KSR1: variants seen among roughly 807,000 people sequenced by gnomAD.
The protein encoded by KSR1 is kinase suppressor of ras 1, also known as kinase suppressor of ras.
A neutral mutation model predicts 92.9 loss-of-function variants in KSR1; 35 were observed. The observed-to-expected ratio is 0.38, with a 90% CI of 0.29 to 0.50. The LOEUF is 0.50. Among genes scored for constraint, KSR1 ranks in the 20% least tolerant of loss-of-function variants. The pLI, the probability that KSR1 is intolerant of heterozygous loss-of-function variation, is 0.94. For missense variants in KSR1, 972 were observed against 1,158.5 expected, an observed-to-expected ratio of 0.84 and a Z score of 2.34; for synonymous variants, 467 against 472.6, an observed-to-expected ratio of 0.99 and a Z score of 0.15.
intron 1 of KSR1, among the ~76,000 whole-genome samples, chr17:27,518,912 G>C (rs1365456040): frequency 3.3e-5 from 5 of 152,210 alleles, no homozygotes; most frequent in Non-Finnish European, 5.9e-5. Flanking sequence ...TCCTGGAGTA[G>C]GATGTGTGCA....
chr17:27,621,307 G>A (rs1414326609), intron 20 of KSR1, 34 bp downstream of exon 20: 3 of 398,550 alleles, frequency 7.5e-6, no homozygotes, highest in Non-Finnish European at 1.3e-5. Flanking sequence ...CTGGCTGCCT[G>A]TCTCTGGTTT....
At chr17:27,555,731 C>T (rs1445831429) in intron 2 of KSR1, among the ~76,000 whole-genome samples, 1 of 152,096 alleles carries the variant, frequency 6.6e-6, no homozygotes, top group Non-Finnish European at 1.5e-5. Context: ...ACGTAATTTA[C>T]CATTTTAATC....
chr17:27,623,055 G>C lies in KSR1; in HGVS notation c.2709-259G>C. On this transcript the variant is annotated intron_variant, in intron 20 of 20. Transcript: ENST00000644974. ...AAACAATTCCTAGGAACCCACAGCA[G>C]TACTGAGCATGCTGGGAGCTTGGGA... 4 of 565,512 alleles carry C rather than the reference G, an allele frequency of 7.1e-6. No individual in the cohort carries two copies. In the South Asian group the frequency reaches 8.2e-5, roughly 12 times the overall value. The allele number at this position is 565,512 out of a possible 1,614,324, so 35.0% of individuals were successfully genotyped here.
intron 7 of KSR1, among the ~76,000 whole-genome samples, chr17:27,592,158 C>T (rs984903512): frequency 1.3e-5 from 2 of 152,120 alleles, no homozygotes; most frequent in Non-Finnish European, 2.9e-5. Context: ...GACAGCAGAA[C>T]GTGGTAAATG....
chr17:27,513,687 G>A (rs1424114908), intron 1 of KSR1, among the ~76,000 whole-genome samples: 1 of 152,178 alleles, frequency 6.6e-6, no homozygotes, highest in Non-Finnish European at 1.5e-5. Context: ...TCTTGGGGAC[G>A]CATCGTTTTC....
At chr17:27,540,976 G>A (rs1423504374) in intron 1 of KSR1, among the ~76,000 whole-genome samples, 1 of 152,280 alleles carries the variant, frequency 6.6e-6, no homozygotes, top group African/African-American at 2.4e-5. Context: ...AGTGGAAGAT[G>A]TAAGGGGAGC....
intron 1 of KSR1, among the ~76,000 whole-genome samples, chr17:27,540,390 G>T (rs1174405058): frequency 1.3e-5 from 2 of 152,224 alleles, no homozygotes; most frequent in African/African-American, 4.8e-5. Context: ...GCTCCCAGCT[G>T]TGGCCGTTCT....
At chr17:27,474,405 G>A (rs909808971) in intron 1 of KSR1, among the ~76,000 whole-genome samples, 4 of 152,230 alleles carry the variant, frequency 2.6e-5, no homozygotes, top group Non-Finnish European at 4.4e-5. Context: ...TGTAAGGATG[G>A]GAGGATGAGC....
chr17:27,509,655 C>T (rs1597910531), intron 1 of KSR1, among the ~76,000 whole-genome samples: 1 of 97,478 alleles, frequency 1.0e-5, no homozygotes, highest in South Asian at 4.3e-4. Flanking sequence ...GAGTTTGTCT[C>T]TAGTTTAAAA....
At chr17:27,571,101 G>A (rs965256115) in intron 2 of KSR1, among the ~76,000 whole-genome samples, 3 of 152,208 alleles carry the variant, frequency 2.0e-5, no homozygotes, top group African/African-American at 7.2e-5. Context: ...ATGGTGTTAA[G>A]AGGGGAGTTT....
chr17:27,481,711 A>T (rs554132503), intron 1 of KSR1, among the ~76,000 whole-genome samples: 1 of 152,188 alleles, frequency 6.6e-6, no homozygotes, highest in Admixed American at 6.5e-5. Context: ...GTTTTAGGTT[A>T]CATGGATGAA....
chr17:27,484,583 C>T (rs2068608172), intron 1 of KSR1, among the ~76,000 whole-genome samples: 1 of 151,840 alleles, frequency 6.6e-6, no homozygotes, highest in Non-Finnish European at 1.5e-5. Context: ...CATTCTGACA[C>T]ATGTCATGGG....
chr17:27,471,515 A>T (rs976165578), intron 1 of KSR1, among the ~76,000 whole-genome samples: 1 of 152,106 alleles, frequency 6.6e-6, no homozygotes, highest in African/African-American at 2.4e-5. Context: ...GGCAGAATCG[A>T]GCTTGGTGTG....
intron 1 of KSR1, among the ~76,000 whole-genome samples, chr17:27,494,013 A>G (rs1248938791): frequency 6.6e-6 from 1 of 152,014 alleles, no homozygotes; most frequent in African/African-American, 2.4e-5. Context: ...GGGGACGCTG[A>G]GGTGGTTTGT....
At chr17:27,597,871 C>T (rs111797110) in intron 10 of KSR1, among the ~76,000 whole-genome samples, 3 of 152,202 alleles carry the variant, frequency 2.0e-5, no homozygotes, top group Non-Finnish European at 4.4e-5. Flanking sequence ...GCTTCCCACT[C>T]GTGATCTGGG....
chr17:27,461,006 C>T (rs1187673241), intron 1 of KSR1, among the ~76,000 whole-genome samples: 3 of 152,172 alleles, frequency 2.0e-5, no homozygotes, highest in Admixed American at 6.5e-5. Flanking sequence ...GCTTGCAGGA[C>T]CCTGCATTGG....
intron 1 of KSR1, among the ~76,000 whole-genome samples, chr17:27,534,232 G>A (rs1268319500): frequency 3.9e-5 from 6 of 152,196 alleles, no homozygotes; most frequent in Non-Finnish European, 7.3e-5. Flanking sequence ...TTCCAGCCAC[G>A]CCTGGCCTTG....
intron 1 of KSR1, among the ~76,000 whole-genome samples, chr17:27,523,643 TAAAA>T (rs10522636): frequency 0.41 from 62,812 of 151,630 alleles, 13,785 homozygotes; most frequent in African/African-American, 0.56. Context: ...TTCTCACACA[TAAAA>T]GAAGTCTGGA....
intron 1 of KSR1, among the ~76,000 whole-genome samples, chr17:27,534,112 C>T (rs761730546): frequency 2.4e-4 from 37 of 152,244 alleles, no homozygotes; most frequent in Non-Finnish European, 4.1e-4. Context: ...CCCTCTTCTG[C>T]ACAGACTGTG....
Sources: gnomAD v4.1 joint callset for allele counts (sites outside exome capture counted in the v4.1 genomes callset) on GRCh38, gnomAD v4.1.1 for gene constraint, MANE v1.5 for transcripts, NCBI Gene and HGNC (gene_info 2026-07-23, HGNC 2026-07-21) for gene names.